PTPRD: variants seen among roughly 807,000 people sequenced by gnomAD.
The protein encoded by PTPRD is protein tyrosine phosphatase receptor type D.
Under a neutral mutation model 214.5 loss-of-function variants are expected in PTPRD, and 34 were observed. That is an observed-to-expected ratio of 0.16 (90% CI 0.12 to 0.21). The LOEUF (loss-of-function observed/expected upper bound fraction) is 0.21. Among genes scored for constraint, PTPRD ranks in the 10% least tolerant of loss-of-function variants. The pLI, the probability that PTPRD is intolerant of heterozygous loss-of-function variation, is 1.00. For missense variants in PTPRD, 2,545 were observed against 2,398.7 expected, an observed-to-expected ratio of 1.06 and a Z score of -1.27; for synonymous variants, 1,128 against 845.7, an observed-to-expected ratio of 1.33 and a Z score of -5.79.
intron 2 of PTPRD, among the ~76,000 whole-genome samples, chr9:10,582,768 T>C (rs141798354): frequency 1.4e-3 from 208 of 152,240 alleles, no homozygotes; most frequent in African/African-American, 4.8e-3. Context: ...AACAAAAAAC[T>C]ACACACACCA....
At chr9:8,388,054 GT>G (rs1564466433) in intron 37 of PTPRD, among the ~76,000 whole-genome samples, 1 of 152,132 alleles carries the variant, frequency 6.6e-6, no homozygotes, top group Non-Finnish European at 1.5e-5. Flanking sequence ...CAATTCAGAT[GT>G]TTTGAAAAGA....
At chr9:8,445,909 G>C (rs1057103633) in intron 34 of PTPRD, among the ~76,000 whole-genome samples, 2 of 152,166 alleles carry the variant, frequency 1.3e-5, no homozygotes, top group Non-Finnish European at 2.9e-5. Context: ...CTAGCTGCCA[G>C]CACCATCAGT....
At chr9:9,370,938 A>T (rs2059321254) in intron 9 of PTPRD, among the ~76,000 whole-genome samples, 1 of 152,310 alleles carries the variant, frequency 6.6e-6, no homozygotes, top group Non-Finnish European at 1.5e-5. Context: ...ATGTTGAACC[A>T]GCCTTGCATC....
intron 2 of PTPRD, among the ~76,000 whole-genome samples, chr9:10,542,329 T>G (rs1199610812): frequency 6.6e-6 from 1 of 152,156 alleles, no homozygotes; most frequent in African/African-American, 2.4e-5. Context: ...TACTATCCAC[T>G]TGTTGCTTGG....
chr9:8,651,398 C>G (rs952988286), intron 12 of PTPRD, among the ~76,000 whole-genome samples: 4 of 152,158 alleles, frequency 2.6e-5, no homozygotes, highest in African/African-American at 9.7e-5. Flanking sequence ...TGAACTAACT[C>G]TGTCCACACA....
intron 12 of PTPRD, 147 bp from the exon 13 acceptor site, chr9:8,636,991 A>C: frequency 1.3e-6 from 1 of 786,832 alleles, no homozygotes; most frequent in Admixed American, 3.0e-5. Context: ...AAAATTAGAA[A>C]AGCATCTTTT....
intron 11 of PTPRD, among the ~76,000 whole-genome samples, chr9:8,950,760 C>T (rs930831837): frequency 6.6e-6 from 1 of 151,156 alleles, no homozygotes; most frequent in Non-Finnish European, 1.5e-5. Flanking sequence ...TCCTGACCCA[C>T]TCTGAACCTT....
At chr9:8,437,162 C>G (rs559588079) in intron 34 of PTPRD, 1 of 1,449,308 alleles carries the variant, frequency 6.9e-7, no homozygotes, top group Admixed American at 2.3e-5. Flanking sequence ...TGATAGTAAA[C>G]ATAAAATGAC....
At position 8,576,361 on chromosome 9, in the gene PTPRD, T is replaced by C. The variant is rs544177458; in HGVS notation, c.353-47582A>G. Reference sequence around the variant, plus strand: ...GACTTCCAAATACAATGAAAGACTCTTACTGATATTTGTGGGGAGAAATAA... The same window carrying C: ...GACTTCCAAATACAATGAAAGACTCCTACTGATATTTGTGGGGAGAAATAA... On this transcript the variant is annotated intron_variant, in intron 14 of 45. Transcript: ENST00000381196. Among the ~76,000 whole-genome samples, 5 of 152,298 alleles carry C rather than the reference T, an allele frequency of 3.3e-5. No homozygotes were observed. In the South Asian group the frequency reaches 1.0e-3, roughly 32 times the overall value.
rs2098997138 is a variant in PTPRD at position 9,795,600 on chromosome 9, T to C, written c.-367-28749A>G. Among the ~76,000 whole-genome samples the C allele has an allele frequency of 3.3e-5, 5 of 152,316 alleles. No individual in the cohort carries two copies. In the South Asian group the frequency reaches 1.0e-3, roughly 32 times the overall value. ...AGTATACATGCTAGATAATGAAGCA[T>C]ATACAATTATAAACATGTCATTAAC... is the stretch of plus-strand genomic sequence containing the variant. On this transcript the variant is annotated intron_variant, in intron 5 of 45. Coordinates refer to ENST00000381196, the MANE Select transcript of PTPRD (RefSeq NM_002839.4).
At chr9:9,156,998 T>A (rs12352920) in intron 10 of PTPRD, among the ~76,000 whole-genome samples, 42,166 of 152,130 alleles carry the variant, frequency 0.28, 7,391 homozygotes, top group Non-Finnish European at 0.39. Context: ...CCAAAGCCTC[T>A]CCACATATTT....
intron 2 of PTPRD, among the ~76,000 whole-genome samples, chr9:10,467,121 A>G (rs1056719658): frequency 6.6e-6 from 1 of 152,214 alleles, no homozygotes; most frequent in Non-Finnish European, 1.5e-5. Flanking sequence ...TGCTATGACC[A>G]AGCACCAAGA....
At position 9,355,758 on chromosome 9, in the gene PTPRD, C is replaced by A. The variant is rs939248628; in HGVS notation, c.-203+41691G>T. 2.6e-5 allele frequency among the ~76,000 whole-genome samples: 4 copies of A among 151,374 alleles called. No homozygotes were observed. In the Admixed American group the frequency reaches 2.6e-4, roughly 10 times the overall value. On this transcript the variant is annotated intron_variant, in intron 9 of 45. Coordinates refer to ENST00000381196, the MANE Select transcript of PTPRD (RefSeq NM_002839.4). ...TGAGTAAAAACACAAGGGAGAGAAT[C>A]AAGGTATAAAATAGAAGGGTACTAA...
At chr9:9,216,740 G>A (rs547397573) in intron 9 of PTPRD, among the ~76,000 whole-genome samples, 2 of 152,020 alleles carry the variant, frequency 1.3e-5, no homozygotes, top group South Asian at 2.1e-4. Context: ...ATTTTAGAAT[G>A]AAACAACCCT....
chr9:10,341,860 T>A (rs568896008), intron 2 of PTPRD, among the ~76,000 whole-genome samples: 1 of 151,274 alleles, frequency 6.6e-6, no homozygotes, highest in South Asian at 2.1e-4. Context: ...TTTTATGTAG[T>A]TCCATATGTA....
At chr9:8,472,567 C>G (rs2096674675) in intron 30 of PTPRD, among the ~76,000 whole-genome samples, 1 of 152,212 alleles carries the variant, frequency 6.6e-6, no homozygotes, top group Non-Finnish European at 1.5e-5. Flanking sequence ...GCCAATGTCA[C>G]TAGCCCAAAC....
At chr9:8,709,151 G>C (rs1438446539) in intron 12 of PTPRD, among the ~76,000 whole-genome samples, 2 of 152,092 alleles carry the variant, frequency 1.3e-5, no homozygotes, top group Non-Finnish European at 2.9e-5. Flanking sequence ...TTTTACTTAA[G>C]AGGAATAAGT....
At chr9:8,475,076 C>G (rs973979677) in intron 30 of PTPRD, among the ~76,000 whole-genome samples, 1 of 152,162 alleles carries the variant, frequency 6.6e-6, no homozygotes, top group South Asian at 2.1e-4. Flanking sequence ...CCACTCCTGA[C>G]TGCCAAAATT....
At chr9:10,286,221 G>A (rs2095347890) in intron 3 of PTPRD, among the ~76,000 whole-genome samples, 1 of 151,974 alleles carries the variant, frequency 6.6e-6, no homozygotes, top group Non-Finnish European at 1.5e-5. Context: ...TAGCAATATT[G>A]CTTTAAAAAA....
Sources: gnomAD v4.1 joint callset for allele counts (sites outside exome capture counted in the v4.1 genomes callset) on GRCh38, gnomAD v4.1.1 for gene constraint, MANE v1.5 for transcripts, NCBI Gene and HGNC (gene_info 2026-07-23, HGNC 2026-07-21) for gene names.